The following CNTNAP2 variants were observed in gnomAD, a reference collection of about 807,000 sequenced individuals.
CNTNAP2 encodes the protein contactin-associated protein-like 2.
Under a neutral mutation model 155.2 loss-of-function variants are expected in CNTNAP2, and 98 were observed. That is an observed-to-expected ratio of 0.63 (90% CI 0.54 to 0.75). The LOEUF is 0.75. Ranked by LOEUF, CNTNAP2 falls within the 30% of genes least tolerant of loss-of-function variation. The pLI is 0.00. For missense variants in CNTNAP2, 1,727 were observed against 1,688.1 expected, an observed-to-expected ratio of 1.02 and a Z score of -0.40; for synonymous variants, 651 against 631.2, an observed-to-expected ratio of 1.03 and a Z score of -0.47.
At chr7:146,141,891 C>A (rs1255267198) in intron 1 of CNTNAP2, among the ~76,000 whole-genome samples, 1 of 151,960 alleles carries the variant, frequency 6.6e-6, no homozygotes, top group African/African-American at 2.4e-5. Flanking sequence ...AGACTCATAG[C>A]CTTTAGGTTA....
At chr7:146,969,749 C>T (rs766036742) in intron 3 of CNTNAP2, among the ~76,000 whole-genome samples, 4 of 152,008 alleles carry the variant, frequency 2.6e-5, no homozygotes, top group Non-Finnish European at 5.9e-5. Context: ...CCTGCATCGC[C>T]AAGTCAATCC....
rs552017693 is a variant in CNTNAP2 at position 147,439,663 on chromosome 7, A to G, written c.1670+43883A>G. On this transcript the variant is annotated intron_variant, in intron 10 of 23. Transcript: ENST00000361727. ...ATTTTCTCTCTGAAAGATCTGTCCA[A>G]TTCTGAACGTGGGGTGTTGAAATCT... 5.3e-5 allele frequency among the ~76,000 whole-genome samples: 8 copies of G among 152,066 alleles called. No individual in the cohort carries two copies. The South Asian group carries it at 1.0e-3, about 20-fold the overall frequency.
chr7:148,057,950 C>CTTATCA (rs1803052029), intron 15 of CNTNAP2, among the ~76,000 whole-genome samples: 1 of 142,748 alleles, frequency 7.0e-6, no homozygotes, highest in African/African-American at 2.6e-5. Flanking sequence ...CAGCTTCCAG[C>CTTATCA]TTATTATTAT....
chr7:146,710,635 C>T (rs538103279), intron 1 of CNTNAP2, among the ~76,000 whole-genome samples: 3 of 152,108 alleles, frequency 2.0e-5, no homozygotes, highest in African/African-American at 7.2e-5. Flanking sequence ...CCTTCCTCAC[C>T]ACTAATGCAC....
chr7:148,022,479 A>G (rs1802298650), intron 15 of CNTNAP2, among the ~76,000 whole-genome samples: 1 of 139,996 alleles, frequency 7.1e-6, no homozygotes, highest in Admixed American at 7.5e-5. Flanking sequence ...AAAAAAAAAA[A>G]AAAAAGAAAA....
At chr7:147,384,526 G>A (rs921090224) in intron 9 of CNTNAP2, among the ~76,000 whole-genome samples, 23 of 152,102 alleles carry the variant, frequency 1.5e-4, no homozygotes, top group African/African-American at 5.1e-4. Flanking sequence ...TGATCATATA[G>A]AATACATATA....
intron 14 of CNTNAP2, among the ~76,000 whole-genome samples, chr7:147,924,889 G>A (rs1046728442): frequency 1.4e-4 from 21 of 151,886 alleles, no homozygotes; most frequent in African/African-American, 3.4e-4. Flanking sequence ...AGGCCTAGGC[G>A]GGCGGATCAT....
At chr7:148,021,294 G>A (rs1250415576) in intron 15 of CNTNAP2, among the ~76,000 whole-genome samples, 1 of 152,108 alleles carries the variant, frequency 6.6e-6, no homozygotes, top group African/African-American at 2.4e-5. Flanking sequence ...TTAGGGACAC[G>A]GAAGAACAAT....
intron 21 of CNTNAP2, among the ~76,000 whole-genome samples, chr7:148,368,916 A>C (rs1283777085): frequency 6.6e-6 from 1 of 152,154 alleles, no homozygotes; most frequent in African/African-American, 2.4e-5. Context: ...TTTAACTACC[A>C]GGCTTAGGTC....
chr7:148,026,222 G>T (rs1487037531), intron 15 of CNTNAP2, among the ~76,000 whole-genome samples: 1 of 152,154 alleles, frequency 6.6e-6, no homozygotes, highest in South Asian at 2.1e-4. Context: ...GCCGAGGCAG[G>T]CAGATTGCTT....
intron 1 of CNTNAP2, among the ~76,000 whole-genome samples, chr7:146,434,456 A>AT (rs1796214254): frequency 1.3e-5 from 2 of 152,314 alleles, no homozygotes; most frequent in South Asian, 4.1e-4. Flanking sequence ...ATGGATTAAA[A>AT]TTATGCTTAC....
At chr7:147,705,825 C>T (rs558150921) in intron 13 of CNTNAP2, among the ~76,000 whole-genome samples, 2 of 152,188 alleles carry the variant, frequency 1.3e-5, no homozygotes, top group African/African-American at 2.4e-5. Flanking sequence ...CTTCTGTTTA[C>T]TGTTTTTGAC....
chr7:146,972,923 C>A (rs1029909877), intron 3 of CNTNAP2, among the ~76,000 whole-genome samples: 1 of 152,186 alleles, frequency 6.6e-6, no homozygotes, highest in East Asian at 1.9e-4. Context: ...GTGTTTGATT[C>A]TGTGCTGTCT....
At chr7:147,996,522 A>G (rs562539512) in intron 15 of CNTNAP2, among the ~76,000 whole-genome samples, 1 of 152,338 alleles carries the variant, frequency 6.6e-6, no homozygotes, top group African/African-American at 2.4e-5. Flanking sequence ...ATTTAATTTC[A>G]CTAAGCTTCA....
At chr7:147,578,800 C>A (rs760380438) in intron 12 of CNTNAP2, among the ~76,000 whole-genome samples, 5 of 151,828 alleles carry the variant, frequency 3.3e-5, no homozygotes, top group Non-Finnish European at 5.9e-5. Context: ...ACTTTAAAAC[C>A]CTGTGTATTA....
chr7:148,210,504 C>T (rs186613269), intron 18 of CNTNAP2, among the ~76,000 whole-genome samples: 118 of 152,294 alleles, frequency 7.7e-4, no homozygotes, highest in Non-Finnish European at 5.7e-4. Flanking sequence ...GAAGGCCACC[C>T]GGCTCCCACA....
chr7:146,379,908 C>T (rs917719891), intron 1 of CNTNAP2, among the ~76,000 whole-genome samples: 1 of 152,126 alleles, frequency 6.6e-6, no homozygotes, highest in Non-Finnish European at 1.5e-5. Flanking sequence ...TCAAATTTAG[C>T]TAAGCATTTG....
At chr7:147,208,825 C>G (rs73740594) in intron 8 of CNTNAP2, among the ~76,000 whole-genome samples, 1,672 of 151,906 alleles carry the variant, frequency 0.011, 33 homozygotes, top group African/African-American at 0.039. Context: ...TAGTCATATT[C>G]TTGCTAAATG....
chr7:146,721,264 CTATATATTCTA>C (rs1275873213), intron 1 of CNTNAP2, among the ~76,000 whole-genome samples: 5,350 of 124,714 alleles, frequency 0.043, 197 homozygotes, highest in Middle Eastern at 0.085. Flanking sequence ...TATATACTCT[CTATATATTCTA>C]TATATATTCT....
Sources: allele counts gnomAD v4.1 joint callset (sites outside exome capture counted in the v4.1 genomes callset), GRCh38; gene constraint gnomAD v4.1.1; transcripts MANE v1.5; gene names NCBI Gene and HGNC (gene_info 2026-07-23, HGNC 2026-07-21).